The following GMPPA variants were observed in gnomAD, a reference collection of about 807,000 sequenced individuals.
The protein encoded by GMPPA is mannose-1-phosphate guanylyltransferase regulatory subunit alpha.
GMPPA carries 46 observed loss-of-function variants against 58.6 expected under a neutral mutation model. The ratio of observed to expected loss-of-function variants is 0.78; its 90% CI spans 0.62 to 1.00. GMPPA has a LOEUF of 1.00. GMPPA is among the 50% of genes least tolerant of loss of function. The pLI is 0.00. For synonymous variants in GMPPA, 211 were observed against 214.9 expected (o/e 0.98, Z 0.16); for missense variants, 468 against 556.4 (o/e 0.84, Z 1.60).
rs201211438 is a variant in GMPPA at position 219,502,466 on chromosome 2, G to A, written c.489+25G>A. The stretch of plus-strand genomic sequence containing the variant: ...GGTGAGAGCAGAGTGGGGGCTGGGT[G>A]GGTGCCTACTCTGTGTCATCATCCC... On this transcript the variant is annotated intron_variant, in intron 6 of 12. Transcript: ENST00000313597. The surrounding 1 kb of genome is among the most constrained non-coding windows in gnomAD (Gnocchi z 4.0). 15 of 1,592,218 alleles carry A rather than the reference G, an allele frequency of 9.4e-6. No homozygotes were observed. Among genetic ancestry groups the A allele is most frequent in the Non-Finnish European group, 1.1e-5 (13 of 1,160,520 alleles).
rs188765261 is a variant in GMPPA at position 219,506,397 on chromosome 2, G to A, written c.1137G>A (p.Lys379=). The A allele has an allele frequency of 1.2e-6, 2 of 1,612,982 alleles. No individual in the cohort carries two copies. Among genetic ancestry groups the A allele is most frequent in the African/African-American group, 1.3e-5 (1 of 74,948 alleles). ...GTGAGAGCCTCTTCAAGGACGGGAAGCTGCTGCCTGCTATCACCATCCTGG... is the reference window on the plus strand; with the variant it reads ...GTGAGAGCCTCTTCAAGGACGGGAAACTGCTGCCTGCTATCACCATCCTGG... ...MDSESLFKDG[K]LLPAITILGC... is the part of the protein sequence containing the mutation. Residue 379 remains lysine, a synonymous_variant, in exon 12 of 13, where the codon AAG becomes AAA. Transcript: ENST00000313597.
chr2:219,505,790 G>T (rs1694566149), intron 10 of GMPPA, 29 bp downstream of exon 10: 2 of 1,566,892 alleles, frequency 1.3e-6, no homozygotes, highest in African/African-American at 1.3e-5. Flanking sequence ...CCCAGGGAGG[G>T]AAGGGTGGTG....
Position 219,505,312 on chromosome 2 carries a change from G to C in GMPPA, c.705G>C (p.Gln235His), listed in dbSNP as rs1437480271. The change falls in exon 8 of 13, where the codon CAG becomes CAC. Residue 235 changes from glutamine to histidine, a missense_variant. By Grantham distance (24) the Gln-to-His change is conservative. Coordinates refer to ENST00000313597, the MANE Select transcript of GMPPA (RefSeq NM_013335.4). The stretch of plus-strand genomic sequence containing the variant: ...TTTCAGCCCTGGCAGGGCAGGGCCA[G>C]ATATACGTGCATCTCACTGATGGTA... ...DVFSALAGQG[Q>H]IYVHLTDGIW... The C allele has an allele frequency of 1.9e-6, 3 of 1,614,076 alleles. No individual in the cohort carries two copies. Among genetic ancestry groups the C allele is most frequent in the Non-Finnish European group, 2.5e-6 (3 of 1,179,984 alleles).
intron 7 of GMPPA, chr2:219,504,667 G>C (rs1042835471): frequency 5.0e-6 from 1 of 200,778 alleles, no homozygotes; most frequent in African/African-American, 2.4e-5. Context: ...TCCCTTCTAG[G>C]GATCCTTGCC....
Position 219,506,252 on chromosome 2 carries a change from A to G in GMPPA, c.994-2A>G, listed in dbSNP as rs1294766412. ...CTTACCTTTCACTGTCCTCTTTGGC[A>G]GGAGCACACGTGTGTTCTGCATAGC... On this transcript the variant is annotated splice_acceptor_variant, in intron 11 of 12. Coordinates refer to ENST00000313597, the MANE Select transcript of GMPPA (RefSeq NM_013335.4). LOFTEE classifies it high-confidence loss of function. The G allele has an allele frequency of 6.2e-7, 1 of 1,603,550 alleles. No homozygotes were observed. Among genetic ancestry groups the G allele is most frequent in the Non-Finnish European group, 8.5e-7 (1 of 1,172,936 alleles).
rs376754120 is a variant in GMPPA at position 219,502,460 on chromosome 2, C to A, written c.489+19C>A. ...ACACGAGGTGAGAGCAGAGTGGGGG[C>A]TGGGTGGGTGCCTACTCTGTGTCAT... On this transcript the variant is annotated intron_variant, in intron 6 of 12. Coordinates refer to ENST00000313597, the MANE Select transcript of GMPPA (RefSeq NM_013335.4). The surrounding 1 kb of genome is among the most constrained non-coding windows in gnomAD (Gnocchi z 4.0). 6.2e-7 allele frequency: 1 copy of A among 1,605,714 alleles called. No homozygotes were observed. The highest frequency in any genetic ancestry group is 1.3e-5 in the African/African-American group (1 of 74,798).
At chr2:219,506,621 T>A in intron 12 of GMPPA, 77 bp from the exon 13 acceptor site, 1 of 1,007,856 alleles carries the variant, frequency 9.9e-7, no homozygotes, top group East Asian at 2.5e-5. Context: ...GCTCCCTCCC[T>A]GCTGGCAGTG....
chr2:219,505,139 C>A, intron 7 of GMPPA, 89 bp from the exon 8 acceptor site: 1 of 1,411,008 alleles, frequency 7.1e-7, no homozygotes, highest in Non-Finnish European at 9.8e-7. Flanking sequence ...TGGTGGGAAT[C>A]CTCCTACTCC....
chr2:219,505,197 G>T (rs372736210), intron 7 of GMPPA, 31 bp from the exon 8 acceptor site: 2 of 1,609,838 alleles, frequency 1.2e-6, no homozygotes, highest in East Asian at 2.2e-5. Context: ...TCAGCTGGGG[G>T]ACTAATGTCA....
In GMPPA at chr2:219,500,226, CAG is replaced by C. The variant is rs757832477; in HGVS notation, c.138+9_138+10del. Reference sequence around the variant, plus strand: ...ATTGAAGCCTGTGCCCAGGTAACCTCAGGGGCTCCCCTCTCTCACCTCACTTC... The same window carrying C: ...ATTGAAGCCTGTGCCCAGGTAACCTCGGGCTCCCCTCTCTCACCTCACTTC... On this transcript the variant is annotated intron_variant, in intron 3 of 12. Coordinates refer to ENST00000313597, the MANE Select transcript of GMPPA (RefSeq NM_013335.4). The C allele has an allele frequency of 3.5e-5, 52 of 1,468,478 alleles. No individual in the cohort carries two copies. Among genetic ancestry groups the C allele is most frequent in the Non-Finnish European group, 4.8e-5 (51 of 1,066,046 alleles). 91.0% of individuals were successfully genotyped at this position (1,468,478 alleles called of 1,614,324 possible).
Position 219,502,621 on chromosome 2 carries a change from A to T in GMPPA, c.489+180A>T, listed in dbSNP as rs978398251. Among the ~76,000 whole-genome samples the T allele has an allele frequency of 6.7e-6, 1 of 148,890 alleles. No individual in the cohort carries two copies. The highest frequency in any genetic ancestry group is 2.5e-5 in the African/African-American group (1 of 40,688). ...GAGATTGACCAGGGGGAGGGGGGGA[A>T]TGGTTAATTTCCCTGGGGGTGGTGC... On this transcript the variant is annotated intron_variant, in intron 6 of 12. Coordinates refer to ENST00000313597, the MANE Select transcript of GMPPA (RefSeq NM_013335.4). This position sits in a 1 kb window ranked among gnomAD's most constrained non-coding sequence, Gnocchi z 4.0.
chr2:219,504,553 CACAG>C lies in GMPPA; in HGVS notation c.620+348_620+351del, dbSNP rs1451275916. 1.8e-5 allele frequency: 6 copies of C among 338,492 alleles called. No individual in the cohort carries two copies. The East Asian group carries it at 3.3e-4, about 19-fold the overall frequency. The allele number at this position is 338,492 out of a possible 1,614,324, so 21.0% of individuals were successfully genotyped here. A position where few individuals can be genotyped will look rare whatever the true frequency, so the allele number is the denominator to read the frequency against. On this transcript the variant is annotated intron_variant, in intron 7 of 12. Transcript: ENST00000313597. ...GGGTGCAGACGTGTGCACGTGCACA[CACAG>C]ACAGACATGCATACTCTCAGGCTGA...
Position 219,504,094 on chromosome 2 carries a change from T to C in GMPPA, c.501T>C (p.Tyr167=), listed in dbSNP as rs1444631479. The change falls in exon 7 of 13, where the codon TAT becomes TAC. Residue 167 remains tyrosine, a synonymous_variant. Coordinates refer to ENST00000313597, the MANE Select transcript of GMPPA (RefSeq NM_013335.4). ...TGCTCTGTCCTCAGGTATTGCACTA[T>C]GTGGAGAAACCCAGCACATTTATCA... is the stretch of plus-strand genomic sequence containing the variant. The part of the protein sequence containing the change: ...ENPQTHEVLH[Y]VEKPSTFISD... 3 of 1,614,028 alleles carry C rather than the reference T, an allele frequency of 1.9e-6. No homozygotes were observed. Among genetic ancestry groups the C allele is most frequent in the African/African-American group, 1.3e-5 (1 of 74,922 alleles).
rs1559449623 is a variant in GMPPA at position 219,506,724 on chromosome 2, GT to G, written c.1190del (p.Val397GlyfsTer4). ...CTGCCGAGTCCGGATCCCTGCCGAG[GT>G]GCTCATCCTGAACTCGATTGTTCTG... ...LGCRVRIPAE[V>X]LILNSIVLPH... On this transcript the variant is annotated frameshift_variant, in exon 13 of 13. Transcript: ENST00000313597. LOFTEE classifies it high-confidence loss of function. The G allele has an allele frequency of 6.2e-7, 1 of 1,605,876 alleles. No individual in the cohort carries two copies.
In GMPPA at chr2:219,502,363, G is replaced by T. The variant is rs759809904; in HGVS notation, c.430-19G>T. ...CCTGGAGCAGGCGGGTCACTGTCTCGGGTGTGTCTGTCTTTCAGGCTAACA... is the reference window on the plus strand; with the variant it reads ...CCTGGAGCAGGCGGGTCACTGTCTCTGGTGTGTCTGTCTTTCAGGCTAACA... On this transcript the variant is annotated intron_variant, in intron 5 of 12. Transcript: ENST00000313597. The surrounding 1 kb of genome is among the most constrained non-coding windows in gnomAD (Gnocchi z 4.0). 3 of 1,611,530 alleles carry T rather than the reference G, an allele frequency of 1.9e-6. No individual in the cohort carries two copies. Among genetic ancestry groups the T allele is most frequent in the African/African-American group, 2.7e-5 (2 of 74,832 alleles).
intron 7 of GMPPA, 46 bp from the exon 8 acceptor site, chr2:219,505,182 G>A (rs1455229151): frequency 1.1e-5 from 17 of 1,601,850 alleles, no homozygotes; most frequent in Non-Finnish European, 1.4e-5. Context: ...CCCCACAGTC[G>A]GGGCTCAGCT....
intron 3 of GMPPA, 57 bp from the exon 4 acceptor site, chr2:219,501,418 TC>T: frequency 9.2e-7 from 1 of 1,083,234 alleles, no homozygotes; most frequent in Non-Finnish European, 1.4e-6. Context: ...ACCAAGGATT[TC>T]CCCAACATCC....
At position 219,505,235 on chromosome 2, in the gene GMPPA, T is replaced by C. The variant is rs1418904187; in HGVS notation, c.628T>C (p.Ser210Pro). ...RNQQDGQLED[S>P]PGLWPGAGTI... ...ATTCTTCCTCTCTGCCAGGGAGGACTCACCAGGCTTGTGGCCAGGGGCAGG... is the reference window on the plus strand; with the variant it reads ...ATTCTTCCTCTCTGCCAGGGAGGACCCACCAGGCTTGTGGCCAGGGGCAGG... The change falls in exon 8 of 13, where the codon TCA becomes CCA. Residue 210 changes from serine to proline, a missense_variant. Ser to Pro is a moderately conservative substitution (Grantham distance 74). Transcript: ENST00000313597. 1 of 1,613,698 alleles carries C rather than the reference T, an allele frequency of 6.2e-7. No individual in the cohort carries two copies. The highest frequency in any genetic ancestry group is 1.7e-5 in the Admixed American group (1 of 60,012).
chr2:219,501,152 A>G, intron 3 of GMPPA: 1 of 281,378 alleles, frequency 3.6e-6, no homozygotes, highest in East Asian at 8.6e-5. Flanking sequence ...AGTCTTCAAT[A>G]CTCAGGAGGC....
Sources: gnomAD v4.1 joint callset for allele counts (sites outside exome capture counted in the v4.1 genomes callset) on GRCh38, gnomAD v4.1.1 for gene constraint, Gnocchi (gnomAD v3.1) non-coding constraint, MANE v1.5 for transcripts, NCBI Gene and HGNC (gene_info 2026-07-23, HGNC 2026-07-21) for gene names.